Variants in ALPK1 observed in about 807,000 individuals in gnomAD.
ALPK1 encodes the protein alpha-protein kinase 1.
In ALPK1, 110 loss-of-function variants were observed where a neutral mutation model predicts 120.6. That is an observed-to-expected ratio of 0.91 (90% confidence interval 0.78 to 1.07). The LOEUF (loss-of-function observed/expected upper bound fraction) is 1.07, where lower values mean the gene tolerates loss of function less well. ALPK1 is among the 50% of genes least tolerant of loss of function. The pLI is 0.00. For missense variants in ALPK1, 1,498 were observed against 1,483.9 expected, an observed-to-expected ratio of 1.01 and a Z score of -0.16; for synonymous variants, 582 against 560.3, an observed-to-expected ratio of 1.04 and a Z score of -0.55.
chr4:112,309,021 C>A (rs1035880210), intron 1 of ALPK1, among the ~76,000 whole-genome samples: 4 of 152,128 alleles, frequency 2.6e-5, no homozygotes, highest in African/African-American at 4.8e-5. Flanking sequence ...CACTCCAGAC[C>A]CTGTTTGCCT....
intron 4 of ALPK1, among the ~76,000 whole-genome samples, chr4:112,388,655 A>G (rs1165351494): frequency 6.6e-6 from 1 of 151,390 alleles, no homozygotes; most frequent in Non-Finnish European, 1.5e-5. Context: ...GTGTAGATAA[A>G]CTCTGCATTC....
chr4:112,433,064 G>T (rs1213128348), intron 11 of ALPK1, among the ~76,000 whole-genome samples: 1 of 152,202 alleles, frequency 6.6e-6, no homozygotes, highest in African/African-American at 2.4e-5. Flanking sequence ...ATTCTATGGG[G>T]ACATGGTTTG....
chr4:112,313,890 C>G (rs1728524487), intron 1 of ALPK1, among the ~76,000 whole-genome samples: 1 of 152,150 alleles, frequency 6.6e-6, no homozygotes, highest in Non-Finnish European at 1.5e-5. Flanking sequence ...AGAGACAATT[C>G]TTTCAGGGAA....
intron 9 of ALPK1, 73 bp downstream of exon 9, chr4:112,427,738 G>C: frequency 9.4e-7 from 1 of 1,068,488 alleles, no homozygotes; most frequent in East Asian, 2.5e-5. Flanking sequence ...GTTAGTGGCT[G>C]TCTTTCTCAG....
chr4:112,425,619 G>A (rs1734202562), intron 6 of ALPK1, 46 bp from the exon 7 acceptor site: 1 of 1,500,268 alleles, frequency 6.7e-7, no homozygotes, highest in Non-Finnish European at 9.2e-7. Flanking sequence ...TAATTTGCAA[G>A]GCTATATCTC....
At chr4:112,301,106 C>T (rs1297420265) in intron 1 of ALPK1, among the ~76,000 whole-genome samples, 1 of 152,102 alleles carries the variant, frequency 6.6e-6, no homozygotes, top group African/African-American at 2.4e-5. Context: ...GTAACTTCAG[C>T]TCTAATTAAA....
At chr4:112,359,013 T>A in intron 2 of ALPK1, 1 of 766,262 alleles carries the variant, frequency 1.3e-6, no homozygotes, top group South Asian at 1.3e-5. Flanking sequence ...AGGACAAGGC[T>A]GTGGCTATCG....
At chr4:112,423,247 A>C (rs1293057072) in intron 5 of ALPK1, among the ~76,000 whole-genome samples, 1 of 152,222 alleles carries the variant, frequency 6.6e-6, no homozygotes, top group Admixed American at 6.5e-5. Flanking sequence ...ACACTGAAAT[A>C]ATTGTAAATA....
At chr4:112,356,354 G>T (rs1431182138) in intron 2 of ALPK1, 1 of 852,848 alleles carries the variant, frequency 1.2e-6, no homozygotes, top group Non-Finnish European at 2.0e-6. Flanking sequence ...TGCCGATAGG[G>T]TGCAAGGGGA....
At chr4:112,351,662 T>G (rs1046202764) in intron 2 of ALPK1, among the ~76,000 whole-genome samples, 2 of 151,994 alleles carry the variant, frequency 1.3e-5, no homozygotes, top group African/African-American at 4.8e-5. Context: ...TTAGTAGAGA[T>G]GGGGATTTGC....
chr4:112,393,514 GA>G (rs1732517387), intron 4 of ALPK1, among the ~76,000 whole-genome samples: 1 of 152,220 alleles, frequency 6.6e-6, no homozygotes, highest in South Asian at 2.1e-4. Context: ...AAGGTGGTGA[GA>G]ATACTAGTTA....
chr4:112,406,450 G>C (rs62314674), intron 4 of ALPK1, among the ~76,000 whole-genome samples: 15,869 of 152,202 alleles, frequency 0.1, 914 homozygotes, highest in African/African-American at 0.13. Flanking sequence ...TAATGTTGGA[G>C]CTCAGAAAAG....
chr4:112,366,979 T>A (rs1275178020), intron 2 of ALPK1, among the ~76,000 whole-genome samples: 1 of 152,202 alleles, frequency 6.6e-6, no homozygotes, highest in Non-Finnish European at 1.5e-5. Context: ...TTCTCACTCA[T>A]AAGTGGATGC....
chr4:112,304,109 A>G (rs1249186215), intron 1 of ALPK1, among the ~76,000 whole-genome samples: 1 of 152,152 alleles, frequency 6.6e-6, no homozygotes, highest in Non-Finnish European at 1.5e-5. Context: ...ATAGTATTCC[A>G]TGGTGTATAT....
At chr4:112,332,061 A>T (rs1410950852) in intron 2 of ALPK1, among the ~76,000 whole-genome samples, 1 of 149,996 alleles carries the variant, frequency 6.7e-6, no homozygotes, top group Non-Finnish European at 1.5e-5. Flanking sequence ...TTATTATCTT[A>T]TTCAGGAGTT....
rs940028131 is a variant in ALPK1, at chr4:112,402,376, C to T, written c.277-9451C>T. On this transcript the variant is annotated intron_variant, in intron 4 of 15. Coordinates refer to ENST00000650871, the MANE Select transcript of ALPK1 (RefSeq NM_025144.4). ...GATGCTCAGCATCGGGAGGGGCTGG[C>T]GCTAATGCAAGGAACCATGAAAACA... Among the ~76,000 whole-genome samples, 156 of 152,320 alleles carry T rather than the reference C, an allele frequency of 1.0e-3. 3 individuals are homozygous for T. The highest frequency in any genetic ancestry group is 6.8e-4 in the Non-Finnish European group (46 of 68,036).
chr4:112,441,749 T>A lies in ALPK1; in HGVS notation c.*539T>A, dbSNP rs1200617525. 6.6e-6 allele frequency: 1 copy of A among 152,526 alleles called. No homozygotes were observed. The highest frequency in any genetic ancestry group is 1.5e-5 in the Non-Finnish European group (1 of 68,262). The allele number at this position is 152,526 out of a possible 1,614,324, so 9.4% of individuals were successfully genotyped here. On this transcript the variant is annotated 3_prime_UTR_variant, in exon 16 of 16. Transcript: ENST00000650871. Reference sequence around the variant, plus strand: ...TATAATACTTAGATCCTCCTTATACTCTGAGTTTCTTTCTTTTTAATTCTC... The same window carrying A: ...TATAATACTTAGATCCTCCTTATACACTGAGTTTCTTTCTTTTTAATTCTC...
At chr4:112,320,195 T>C (rs1728807212) in intron 2 of ALPK1, among the ~76,000 whole-genome samples, 1 of 152,228 alleles carries the variant, frequency 6.6e-6, no homozygotes, top group Non-Finnish European at 1.5e-5. Context: ...ACAAATGGCT[T>C]TTATTACCTT....
chr4:112,438,693 G>T lies in ALPK1; in HGVS notation c.3351+47G>T, dbSNP rs1198901608. On this transcript the variant is annotated intron_variant, in intron 13 of 15. Transcript: ENST00000650871. ...CATTTGGATCTTCCAAATCACACTT[G>T]AATATCAATTAATCTGAGTATCTGG... The T allele has an allele frequency of 3.2e-6, 5 of 1,581,202 alleles. No individual in the cohort carries two copies. The Admixed American group carries it at 6.9e-5, about 22-fold the overall frequency.
Sources: gnomAD v4.1 joint callset for allele counts (sites outside exome capture counted in the v4.1 genomes callset) on GRCh38, gnomAD v4.1.1 for gene constraint, MANE v1.5 for transcripts, NCBI Gene and HGNC (gene_info 2026-07-23, HGNC 2026-07-21) for gene names.